The following ATG4C variants were observed in gnomAD, a reference collection of about 807,000 sequenced individuals.
The protein encoded by ATG4C is cysteine protease ATG4C.
In ATG4C, 56 loss-of-function variants were observed where a neutral mutation model predicts 57.6. That is an observed-to-expected ratio of 0.97 (90% confidence interval 0.78 to 1.21). The LOEUF (loss-of-function observed/expected upper bound fraction) is 1.21, where lower values mean the gene tolerates loss of function less well. ATG4C is among the 50% of genes most tolerant of loss of function. ATG4C has a pLI of 0.00. For synonymous variants in ATG4C, 157 were observed against 174.1 expected (o/e 0.90, Z 0.78); for missense variants, 595 against 529.8 (o/e 1.12, Z -1.21).
chr1:62,793,618 A>AAAAAAAAAAAAAAAAAC (rs1553221617), intron 1 of ATG4C, among the ~76,000 whole-genome samples: 6 of 104,054 alleles, frequency 5.8e-5, no homozygotes, highest in African/African-American at 7.8e-5. Flanking sequence ...AAAAAAAAAA[A>AAAAAAAAAAAAAAAAAC]AACCAAAAAA....
chr1:62,819,005 C>A lies in ATG4C; in HGVS notation c.395C>A (p.Ala132Asp). The change falls in exon 5 of 11, where the codon GCT becomes GAT. Residue 132 changes from alanine to aspartate, a missense_variant and splice_region_variant. Ala to Asp is a moderately radical substitution (Grantham distance 126, BLOSUM62 -2). Coordinates refer to ENST00000317868, the MANE Select transcript of ATG4C (RefSeq NM_032852.4). ...QGLILHFLGR[A>D]WTWPDALNIE... ...ACACTTTGCTTTGGAACTACTATAG[C>A]TTGGACCTGGCCTGATGCTTTGAAT... The A allele has an allele frequency of 6.5e-7, 1 of 1,539,812 alleles. No individual in the cohort carries two copies. The highest frequency in any genetic ancestry group is 8.7e-7 in the Non-Finnish European group (1 of 1,148,662).
chr1:62,799,993 T>C (rs890578257), intron 1 of ATG4C, among the ~76,000 whole-genome samples: 3 of 152,090 alleles, frequency 2.0e-5, no homozygotes, highest in African/African-American at 7.2e-5. Flanking sequence ...CAGCATCTTA[T>C]CTTGCTTTTG....
intron 4 of ATG4C, among the ~76,000 whole-genome samples, chr1:62,818,704 C>T (rs1163906938): frequency 6.6e-6 from 1 of 152,044 alleles, no homozygotes; most frequent in African/African-American, 2.4e-5. Flanking sequence ...TAAATTCACT[C>T]ATTTCAAGTG....
At chr1:62,799,147 G>A (rs902755223) in intron 1 of ATG4C, among the ~76,000 whole-genome samples, 3 of 152,086 alleles carry the variant, frequency 2.0e-5, no homozygotes, top group African/African-American at 4.8e-5. Context: ...TTGAAAACTC[G>A]GCTCCAGCAT....
At chr1:62,793,597 G>GAAAAAAAAAAAAAAAAAAAAAAAAAA (rs746057232) in intron 1 of ATG4C, among the ~76,000 whole-genome samples, 2 of 20,534 alleles carry the variant, frequency 9.7e-5, no homozygotes, top group Non-Finnish European at 1.8e-4. Flanking sequence ...ACCTTGTCTC[G>GAAAAAAAAAAAAAAAAAAAAAAAAAA]AAAAAAAAAA....
chr1:62,795,998 G>A (rs111950634), intron 1 of ATG4C, among the ~76,000 whole-genome samples: 5,967 of 152,092 alleles, frequency 0.039, 420 homozygotes, highest in African/African-American at 0.14. Context: ...AGGAATTTTG[G>A]CATATCAGTT....
At position 62,818,997 on chromosome 1, in the gene ATG4C, T is replaced by C; in HGVS notation, c.395-8T>C. On this transcript the variant is annotated splice_polypyrimidine_tract_variant and splice_region_variant and intron_variant, in intron 4 of 10. Transcript: ENST00000317868. ...AGATCTGAACACTTTGCTTTGGAAC[T>C]ACTATAGCTTGGACCTGGCCTGATG... 2.0e-6 allele frequency: 3 copies of C among 1,518,682 alleles called. No individual in the cohort carries two copies. The highest frequency in any genetic ancestry group is 2.6e-6 in the Non-Finnish European group (3 of 1,139,300). 94.1% of individuals were successfully genotyped at this position (1,518,682 alleles called of 1,614,324 possible).
At chr1:62,817,593 C>T (rs944635981) in intron 4 of ATG4C, among the ~76,000 whole-genome samples, 5 of 152,126 alleles carry the variant, frequency 3.3e-5, no homozygotes, top group Non-Finnish European at 5.9e-5. Context: ...GTGATGCTCC[C>T]ACCTTGTCCT....
intron 6 of ATG4C, among the ~76,000 whole-genome samples, chr1:62,824,720 T>G (rs1665591992): frequency 6.7e-6 from 1 of 148,972 alleles, no homozygotes; most frequent in African/African-American, 2.5e-5. Flanking sequence ...CAGGCTGGAG[T>G]GCAGTGGTGC....
chr1:62,793,900 G>T (rs761474350), intron 1 of ATG4C, among the ~76,000 whole-genome samples: 1 of 152,128 alleles, frequency 6.6e-6, no homozygotes. Flanking sequence ...TATATAAGAG[G>T]TTAACACCGT....
chr1:62,850,245 A>T (rs1436806499), intron 10 of ATG4C, among the ~76,000 whole-genome samples: 1 of 152,150 alleles, frequency 6.6e-6, no homozygotes, highest in Non-Finnish European at 1.5e-5. Flanking sequence ...TCTCTTCTTT[A>T]AAATATACTT....
intron 3 of ATG4C, among the ~76,000 whole-genome samples, chr1:62,816,064 T>C (rs1415423903): frequency 6.6e-6 from 1 of 152,222 alleles, no homozygotes; most frequent in African/African-American, 2.4e-5. Flanking sequence ...TTTCTTTTAA[T>C]GCAGGTTGGC....
chr1:62,841,524 C>A lies in ATG4C; in HGVS notation c.1186C>A (p.Arg396=), dbSNP rs763228736. Residue 396 remains arginine (R), a synonymous_variant, in exon 10 of 11, where the codon CGA becomes AGA. Coordinates refer to ENST00000317868, the MANE Select transcript of ATG4C (RefSeq NM_032852.4). ...FYCRNVQDFK[R]ASEEITKMLK... ...CTGTCGAAATGTTCAGGACTTCAAACGAGCTTCTGAAGAAATCACCAAGGT... is the reference window on the plus strand; with the variant it reads ...CTGTCGAAATGTTCAGGACTTCAAAAGAGCTTCTGAAGAAATCACCAAGGT... 4 of 1,592,986 alleles carry A rather than the reference C, an allele frequency of 2.5e-6. No individual in the cohort carries two copies. The Admixed American group carries it at 5.1e-5, about 20-fold the overall frequency.
At chr1:62,815,300 GT>G (rs1355754627) in intron 3 of ATG4C, among the ~76,000 whole-genome samples, 2 of 151,154 alleles carry the variant, frequency 1.3e-5, no homozygotes, top group East Asian at 3.9e-4. Context: ...TATTTTAGTG[GT>G]TTAAGGTTTA....
chr1:62,863,922 A>G (rs1666926343), intron 10 of ATG4C, 70 bp from the exon 11 acceptor site: 1 of 1,096,946 alleles, frequency 9.1e-7, no homozygotes, highest in East Asian at 2.6e-5. Flanking sequence ...CTAAAACAGT[A>G]GATTTGTCGT....
At chr1:62,828,955 G>A (rs1027038718) in intron 6 of ATG4C, 85 bp from the exon 7 acceptor site, 24 of 1,228,338 alleles carry the variant, frequency 2.0e-5, no homozygotes, top group Middle Eastern at 2.8e-4. Context: ...TGTCCATTGC[G>A]GGGTGGAGGA....
chr1:62,856,000 G>A (rs545543017), intron 10 of ATG4C, among the ~76,000 whole-genome samples: 94 of 152,170 alleles, frequency 6.2e-4, no homozygotes, highest in African/African-American at 2.0e-3. Flanking sequence ...TCTTCTTTTG[G>A]TGAATCGAAA....
intron 1 of ATG4C, among the ~76,000 whole-genome samples, chr1:62,795,304 G>C (rs990746050): frequency 2.0e-5 from 3 of 152,134 alleles, no homozygotes; most frequent in Non-Finnish European, 4.4e-5. Flanking sequence ...ACATTTATCA[G>C]TTTACAGTTT....
At chr1:62,786,112 TG>T (rs1664073167) in intron 1 of ATG4C, among the ~76,000 whole-genome samples, 1 of 152,236 alleles carries the variant, frequency 6.6e-6, no homozygotes, top group Non-Finnish European at 1.5e-5. Context: ...ATTTAACAGA[TG>T]AAAAAACTGA....
Sources: allele counts gnomAD v4.1 joint callset (sites outside exome capture counted in the v4.1 genomes callset), GRCh38; gene constraint gnomAD v4.1.1; transcripts MANE v1.5; gene names NCBI Gene and HGNC (gene_info 2026-07-23, HGNC 2026-07-21).